IGF2BP1: variants seen among roughly 807,000 people sequenced by gnomAD.
IGF2BP1 encodes the protein insulin like growth factor 2 mRNA binding protein 1.
In IGF2BP1, 11 loss-of-function variants were observed where a neutral mutation model predicts 74.9. The ratio of observed to expected loss-of-function variants is 0.15; its 90% CI spans 0.09 to 0.24. IGF2BP1 has a LOEUF of 0.24. Among genes scored for constraint, IGF2BP1 ranks in the 10% least tolerant of loss-of-function variants. The pLI is 1.00. For missense variants in IGF2BP1, 440 were observed against 757.4 expected (o/e 0.58, Z 4.92); for synonymous variants, 287 against 281.8 (o/e 1.02, Z -0.18).
chr17:49,019,358 C>A (rs1292070277), intron 2 of IGF2BP1, among the ~76,000 whole-genome samples: 1 of 152,106 alleles, frequency 6.6e-6, no homozygotes, highest in Non-Finnish European at 1.5e-5. Flanking sequence ...TGGATTCTTT[C>A]GAATAGAACA....
At chr17:49,045,864 G>C in intron 12 of IGF2BP1, 26 bp from the exon 13 acceptor site, 12 of 1,610,144 alleles carry the variant, frequency 7.5e-6, no homozygotes, top group Non-Finnish European at 1.0e-5. Flanking sequence ...ATGAACCACT[G>C]ATTAACAATT....
Position 48,997,658 on chromosome 17 carries a change from C to G in IGF2BP1, c.-88C>G. 7.1e-7 allele frequency: 1 copy of G among 1,411,260 alleles called. No individual in the cohort carries two copies. The highest frequency in any genetic ancestry group is 1.3e-5 in the South Asian group (1 of 76,358). The allele number at this position is 1,411,260 out of a possible 1,614,324, so 87.4% of individuals were successfully genotyped here. A position where few individuals can be genotyped will look rare whatever the true frequency, so the allele number is the denominator to read the frequency against. Reference sequence around the variant, plus strand: ...AAAGTTTGCGGCTCCTGCCGCCGGCCTCTCCGCCTCTTGGCCTAGGAGGCT... The same window carrying G: ...AAAGTTTGCGGCTCCTGCCGCCGGCGTCTCCGCCTCTTGGCCTAGGAGGCT... On this transcript the variant is annotated 5_prime_UTR_variant, in exon 1 of 15. Coordinates refer to ENST00000290341, the MANE Select transcript of IGF2BP1 (RefSeq NM_006546.4). The surrounding 1 kb of genome is among the most constrained non-coding windows in gnomAD (Gnocchi z 4.8).
chr17:49,026,805 G>A (rs1266384886), intron 4 of IGF2BP1, among the ~76,000 whole-genome samples: 1 of 151,782 alleles, frequency 6.6e-6, no homozygotes, highest in Non-Finnish European at 1.5e-5. Flanking sequence ...GTGAAGTGGC[G>A]CAATCTCGGC....
At chr17:49,045,142 C>A in intron 12 of IGF2BP1, 77 bp downstream of exon 12, 1 of 1,296,282 alleles carries the variant, frequency 7.7e-7, no homozygotes, top group South Asian at 1.2e-5. Flanking sequence ...AGGAAAAAGG[C>A]TGGGTCAGTT....
In IGF2BP1 at chr17:49,055,140, AT is replaced by A. The variant is rs147789993; in HGVS notation, c.*5698del. The A allele has an allele frequency of 1.0e-5, 1 of 98,882 alleles. No individual in the cohort carries two copies. Among genetic ancestry groups the A allele is most frequent in the Non-Finnish European group, 2.1e-5 (1 of 47,982 alleles). 6.1% of individuals were successfully genotyped at this position (98,882 alleles called of 1,614,324 possible). The stretch of plus-strand genomic sequence containing the variant: ...TTGAGAATACTTTCCAAAAAATAAA[AT>A]TAAAAAAAAAAAAACCAAAAAAAAA... On this transcript the variant is annotated 3_prime_UTR_variant, in exon 15 of 15. Coordinates refer to ENST00000290341, the MANE Select transcript of IGF2BP1 (RefSeq NM_006546.4).
intron 4 of IGF2BP1, 34 bp from the exon 5 acceptor site, chr17:49,031,876 C>T: frequency 6.3e-7 from 1 of 1,599,716 alleles, no homozygotes. Flanking sequence ...TCCAGATTTC[C>T]CTGCTCTGAG....
chr17:49,035,744 A>G (rs2041979497), intron 5 of IGF2BP1, among the ~76,000 whole-genome samples: 2 of 152,342 alleles, frequency 1.3e-5, no homozygotes, highest in South Asian at 4.1e-4. Context: ...AAGTTCCTGC[A>G]GGAAGCTGGT....
At chr17:48,999,955 T>TGTGTGTGTGTTC (rs1555593989) in intron 2 of IGF2BP1, among the ~76,000 whole-genome samples, 1 of 151,272 alleles carries the variant, frequency 6.6e-6, no homozygotes, top group Non-Finnish European at 1.5e-5. Context: ...TGTGTGTGTG[T>TGTGTGTGTGTTC]GTGTGTGTTC....
In IGF2BP1 at chr17:49,044,977, T is replaced by C. The variant is rs1214540727; in HGVS notation, c.1321-14T>C. ...CATAGAGGGTCCCTCATTGACTAGC[T>C]TTTTGCTTTTTAGATTGCACCACCC... On this transcript the variant is annotated splice_polypyrimidine_tract_variant and intron_variant, in intron 11 of 14. Transcript: ENST00000290341. 2 of 1,613,278 alleles carry C rather than the reference T, an allele frequency of 1.2e-6. No homozygotes were observed. The highest frequency in any genetic ancestry group is 1.7e-5 in the Admixed American group (1 of 60,008).
intron 2 of IGF2BP1, chr17:49,015,097 C>T (rs1266035534): frequency 4.8e-6 from 1 of 208,654 alleles, no homozygotes; most frequent in Non-Finnish European, 8.3e-6. Context: ...CTCAGCCTCC[C>T]GAGTAGCTGG....
chr17:49,000,327 A>G (rs2041473128), intron 2 of IGF2BP1, among the ~76,000 whole-genome samples: 1 of 152,162 alleles, frequency 6.6e-6, no homozygotes, highest in Non-Finnish European at 1.5e-5. Flanking sequence ...GAGGGCCTAG[A>G]AAGTTTAATG....
At chr17:49,034,208 C>T (rs1182583206) in intron 5 of IGF2BP1, among the ~76,000 whole-genome samples, 1 of 146,660 alleles carries the variant, frequency 6.8e-6, no homozygotes, top group Non-Finnish European at 1.5e-5. Flanking sequence ...CTCCCGGGTT[C>T]AAGTGGTTTT....
intron 2 of IGF2BP1, among the ~76,000 whole-genome samples, chr17:49,013,269 T>C (rs1040552733): frequency 2.0e-5 from 3 of 152,196 alleles, no homozygotes; most frequent in African/African-American, 4.8e-5. Flanking sequence ...ATGACTTCTA[T>C]TGTGACTTTG....
chr17:48,996,992 T>C (rs2041409856), upstream of IGF2BP1, among the ~76,000 whole-genome samples: 1 of 152,292 alleles, frequency 6.6e-6, no homozygotes. Flanking sequence ...GTCCCCCGCC[T>C]GTCAGTCGCT....
Position 48,997,846 on chromosome 17 carries a change from T to C in IGF2BP1, c.101T>C (p.Leu34Ser). 1 of 1,614,186 alleles carries C rather than the reference T, an allele frequency of 6.2e-7. No homozygotes were observed. The highest frequency in any genetic ancestry group is 2.2e-5 in the East Asian group (1 of 44,876). Residue 34 changes from leucine (L) to serine (S), a missense_variant, in exon 1 of 15, where the codon TTG (leucine) becomes TCG (serine). By Grantham distance (145) the Leu-to-Ser change is moderately radical. Around this residue, in one of 5 missense-constraint regions of IGF2BP1, gnomAD observed 105 missense variants for 199.4 expected, o/e 0.53. Transcript: ENST00000290341. This position sits in a 1 kb window ranked among gnomAD's most constrained non-coding sequence, Gnocchi z 4.8. The part of the protein sequence containing the change: ...EHKISYSGQF[L>S]VKSGYAFVDC... ...AAGATCTCCTACAGCGGCCAGTTCT[T>C]GGTCAAATCCGGCTACGCCTTCGTG...
intron 2 of IGF2BP1, among the ~76,000 whole-genome samples, chr17:49,018,802 C>T (rs1476813337): frequency 6.6e-6 from 1 of 152,132 alleles, no homozygotes; most frequent in Non-Finnish European, 1.5e-5. Context: ...TAACCCTACT[C>T]CTAGTTTCCC....
intron 1 of IGF2BP1, among the ~76,000 whole-genome samples, chr17:48,998,300 C>G (rs995823773): frequency 4.3e-4 from 66 of 152,132 alleles, no homozygotes; most frequent in African/African-American, 3.6e-4. Flanking sequence ...CCGGTGGACG[C>G]CCCCCCAGCT....
chr17:49,015,120 G>T (rs772068202), intron 2 of IGF2BP1, among the ~76,000 whole-genome samples: 8 of 152,128 alleles, frequency 5.3e-5, no homozygotes, highest in African/African-American at 7.2e-5. Flanking sequence ...TTACAGGCGT[G>T]TGCCACAACA....
At chr17:49,022,869 G>A (rs2041809565) in intron 2 of IGF2BP1, among the ~76,000 whole-genome samples, 1 of 152,170 alleles carries the variant, frequency 6.6e-6, no homozygotes, top group African/African-American at 2.4e-5. Context: ...GGTTCCCTTA[G>A]GCCCTTACTG....
Sources: allele counts gnomAD v4.1 joint callset (sites outside exome capture counted in the v4.1 genomes callset), GRCh38; gene constraint gnomAD v4.1.1; regional missense constraint gnomAD v4.1.1; non-coding constraint Gnocchi (gnomAD v3.1); transcripts MANE v1.5; gene names NCBI Gene and HGNC (gene_info 2026-07-23, HGNC 2026-07-21).